Variants in RCBTB2 observed in about 807,000 individuals in gnomAD.
The protein encoded by RCBTB2 is RCC1 and BTB domain-containing protein 2.
Under a neutral mutation model 65.4 loss-of-function variants are expected in RCBTB2, and 55 were observed. The observed-to-expected ratio is 0.84, with a 90% confidence interval of 0.68 to 1.05. The LOEUF (loss-of-function observed/expected upper bound fraction) is 1.05, where lower values mean the gene tolerates loss of function less well. RCBTB2 is among the 50% of genes least tolerant of loss of function. The pLI is 0.00. For missense variants in RCBTB2, 599 were observed against 680.1 expected (o/e 0.88, Z 1.33); for synonymous variants, 220 against 255.2 (o/e 0.86, Z 1.31).
rs1360596931 is a variant in RCBTB2, at chr13:48,524,743, G to A, written c.-204C>T. On this transcript the variant is annotated 5_prime_UTR_variant, in exon 2 of 15. Coordinates refer to ENST00000344532, the MANE Select transcript of RCBTB2 (RefSeq NM_001268.4). ...GATCCTTGTAAAGTTGTCTTCTAGAGCAAAGTTAATGTGACTGGAAATATA... is the reference window on the plus strand; with the variant it reads ...GATCCTTGTAAAGTTGTCTTCTAGAACAAAGTTAATGTGACTGGAAATATA... The A allele has an allele frequency of 6.6e-6, 1 of 152,050 alleles. No individual in the cohort carries two copies. The highest frequency in any genetic ancestry group is 1.5e-5 in the Non-Finnish European group (1 of 68,006). 9.4% of individuals were successfully genotyped at this position (152,050 alleles called of 1,614,324 possible).
intron 1 of RCBTB2, among the ~76,000 whole-genome samples, chr13:48,531,215 C>T (rs1952098907): frequency 1.3e-5 from 2 of 152,088 alleles, no homozygotes; most frequent in South Asian, 2.1e-4. Flanking sequence ...AAGGACAGGA[C>T]GTGATAGAAA....
chr13:48,490,683 G>C (rs534873862), intron 14 of RCBTB2, among the ~76,000 whole-genome samples: 122 of 152,266 alleles, frequency 8.0e-4, no homozygotes, highest in Non-Finnish European at 1.5e-3. Context: ...GGAAGAAAAA[G>C]GTAAGCCATA....
intron 10 of RCBTB2, among the ~76,000 whole-genome samples, chr13:48,507,245 T>G (rs1398810379): frequency 6.6e-6 from 1 of 152,164 alleles, no homozygotes; most frequent in Non-Finnish European, 1.5e-5. Context: ...ATGCAGAAAG[T>G]TTAGAGGGTA....
At position 48,508,412 on chromosome 13, in the gene RCBTB2, G is replaced by GTTTTTTTTTTT. The variant is rs570095675; in HGVS notation, c.926+2206_926+2216dup. Among the ~76,000 whole-genome samples, 79 of 143,704 alleles carry GTTTTTTTTTTT rather than the reference G, an allele frequency of 5.5e-4. 3 individuals are homozygous for GTTTTTTTTTTT. The highest frequency in any genetic ancestry group is 1.9e-3 in the African/African-American group (76 of 39,226). 94.3% of individuals were successfully genotyped at this position (143,704 alleles called of 152,430 possible). ...CATCTCATTTAAAACATTCATCCAT[G>GTTTTTTTTTTT]TTTTTTTTTTTTTTGAGACAGAGTC... On this transcript the variant is annotated intron_variant, in intron 10 of 14. Transcript: ENST00000344532.
intron 7 of RCBTB2, 41 bp from the exon 8 acceptor site, chr13:48,512,215 A>C: frequency 6.4e-7 from 1 of 1,556,328 alleles, no homozygotes. Context: ...AGATTAATTT[A>C]TAAACTGTCT....
At chr13:48,525,843 T>C (rs1032791594) in intron 1 of RCBTB2, among the ~76,000 whole-genome samples, 1 of 152,176 alleles carries the variant, frequency 6.6e-6, no homozygotes, top group African/African-American at 2.4e-5. Context: ...TGGTATCATT[T>C]GATAACATTT....
At chr13:48,535,505 C>T (rs1952352116), upstream of RCBTB2, among the ~76,000 whole-genome samples, 1 of 152,198 alleles carries the variant, frequency 6.6e-6, no homozygotes, top group Admixed American at 6.5e-5. Flanking sequence ...ATCTATCCAC[C>T]TCAGCCTCCT....
At chr13:48,530,234 A>C (rs1006612653) in intron 1 of RCBTB2, among the ~76,000 whole-genome samples, 1 of 152,122 alleles carries the variant, frequency 6.6e-6, no homozygotes, top group African/African-American at 2.4e-5. Flanking sequence ...GTAAACCTCA[A>C]CAGTAGCAGT....
At chr13:48,526,324 C>T (rs1378090592) in intron 1 of RCBTB2, among the ~76,000 whole-genome samples, 3 of 152,150 alleles carry the variant, frequency 2.0e-5, no homozygotes, top group South Asian at 4.2e-4. Context: ...CTTGAGGCCC[C>T]CAAAAGTTTG....
intron 10 of RCBTB2, chr13:48,504,139 G>C (rs1950374776): frequency 1.0e-6 from 1 of 981,602 alleles, no homozygotes; most frequent in Non-Finnish European, 1.2e-6. Context: ...AGCCACCACT[G>C]GGGGGTCAGG....
intron 10 of RCBTB2, among the ~76,000 whole-genome samples, chr13:48,509,415 A>C (rs1950667113): frequency 6.6e-6 from 1 of 152,144 alleles, no homozygotes; most frequent in African/African-American, 2.4e-5. Context: ...TCTGTTTTTC[A>C]GTTTAAATGT....
chr13:48,532,686 A>G, intron 1 of RCBTB2: 2 of 264,112 alleles, frequency 7.6e-6, no homozygotes, highest in South Asian at 6.2e-5. Context: ...TGCGCAGCGC[A>G]GCCTGGGCCG....
intron 4 of RCBTB2, among the ~76,000 whole-genome samples, chr13:48,517,657 A>T (rs2138581862): frequency 6.6e-6 from 1 of 152,308 alleles, no homozygotes; most frequent in Admixed American, 6.5e-5. Context: ...TTTCTTGTAA[A>T]TAAAGCTTTG....
At chr13:48,517,212 A>G (rs1378377462) in intron 4 of RCBTB2, among the ~76,000 whole-genome samples, 1 of 152,172 alleles carries the variant, frequency 6.6e-6, no homozygotes, top group Non-Finnish European at 1.5e-5. Context: ...TCCTGAGTAC[A>G]CTTCAGGAGG....
chr13:48,523,918 G>A (rs9331957), intron 2 of RCBTB2, among the ~76,000 whole-genome samples: 3,092 of 152,246 alleles, frequency 0.02, 107 homozygotes, highest in African/African-American at 0.071. Context: ...ATAATTGTAT[G>A]TATGTCATGG....
chr13:48,515,731 GC>G lies in RCBTB2; in HGVS notation c.52del (p.Ala18LeufsTer6). On this transcript the variant is annotated frameshift_variant, in exon 5 of 15. Coordinates refer to ENST00000344532, the MANE Select transcript of RCBTB2 (RefSeq NM_001268.4). LOFTEE classifies it high-confidence loss of function. ...TAACATCTTCAAAGATGACAGAGTA[GC>G]CTGTACTGGCTGAAAAGGAAAAAAT... ...FSGDSGKPVQ[A>X]TLSSLKMLDV... 2.5e-6 allele frequency: 4 copies of G among 1,593,200 alleles called. No homozygotes were observed. The highest frequency in any genetic ancestry group is 3.4e-6 in the Non-Finnish European group (4 of 1,175,022).
intron 14 of RCBTB2, among the ~76,000 whole-genome samples, chr13:48,493,880 T>C (rs1949857283): frequency 6.6e-6 from 1 of 152,160 alleles, no homozygotes; most frequent in Non-Finnish European, 1.5e-5. Context: ...TTGGATTGTT[T>C]TGTTCATTTG....
At chr13:48,532,907 TGGCGGGGAGGTCGGGCCGCAGG>T in intron 1 of RCBTB2, 99 bp downstream of exon 1, 5 of 445,270 alleles carry the variant, frequency 1.1e-5, no homozygotes, top group South Asian at 4.7e-5. Flanking sequence ...CAGCTGTCTC[TGGCGGGGAGGTCGGGCCGCAGG>T]GGCGGGGAGG....
chr13:48,511,716 T>A, intron 9 of RCBTB2, 54 bp downstream of exon 9: 1 of 1,457,226 alleles, frequency 6.9e-7, no homozygotes, highest in Non-Finnish European at 9.5e-7. Context: ...TACATTGATA[T>A]CTTTGCCAGC....
Sources: gnomAD v4.1 joint callset for allele counts (sites outside exome capture counted in the v4.1 genomes callset) on GRCh38, gnomAD v4.1.1 for gene constraint, MANE v1.5 for transcripts, NCBI Gene and HGNC (gene_info 2026-07-23, HGNC 2026-07-21) for gene names.